The following DNHD1 variants were observed in gnomAD, a reference collection of about 807,000 sequenced individuals.
DNHD1 encodes the protein dynein heavy chain domain 1.
Under a neutral mutation model 458.1 loss-of-function variants are expected in DNHD1, and 383 were observed. The ratio of observed to expected loss-of-function variants is 0.84; its 90% CI spans 0.77 to 0.91. The LOEUF is 0.91. Among genes scored for constraint, DNHD1 ranks in the 40% least tolerant of loss-of-function variants. The probability of loss-of-function intolerance (pLI) is 0.00; values close to 1 mark genes in which losing one functional copy is unlikely to be tolerated. For synonymous variants in DNHD1, 2,203 were observed against 2,376.9 expected, an observed-to-expected ratio of 0.93 and a Z score of 2.13; for missense variants, 5,336 against 5,866.1, an observed-to-expected ratio of 0.91 and a Z score of 2.95.
rs796213156 is a variant in DNHD1 at position 6,515,445 on chromosome 11, TTA to T, written c.1392+4020_1392+4021del. ...AGTGCTCACTTCTGTTTAGTCTCTC[TTA>T]TATGGAACAGTTCCTCAGCCTTTGT... On this transcript the variant is annotated intron_variant, in intron 7 of 42. Transcript: ENST00000254579. Among the ~76,000 whole-genome samples the T allele has an allele frequency of 8.8e-3, 1,347 of 152,364 alleles. 19 individuals carry two copies. The highest frequency in any genetic ancestry group is 0.03 in the African/African-American group (1,267 of 41,588).
intron 7 of DNHD1, among the ~76,000 whole-genome samples, chr11:6,513,156 A>G (rs1222008897): frequency 6.6e-6 from 1 of 152,172 alleles, no homozygotes; most frequent in Non-Finnish European, 1.5e-5. Context: ...CAGTTCCTCA[A>G]TCCCACCTTT....
intron 9 of DNHD1, 42 bp downstream of exon 9, chr11:6,520,144 G>T: frequency 6.2e-7 from 1 of 1,613,862 alleles, no homozygotes; most frequent in South Asian, 1.1e-5. Flanking sequence ...GGAATTCCCA[G>T]TTCCTATCCT....
chr11:6,570,781 G>A lies in DNHD1; in HGVS notation c.13269G>A (p.Val4423=). 2 of 1,613,424 alleles carry A rather than the reference G, an allele frequency of 1.2e-6. No individual in the cohort carries two copies. The highest frequency in any genetic ancestry group is 1.7e-6 in the Non-Finnish European group (2 of 1,179,664). Residue 4423 remains valine (V), a synonymous_variant, in exon 42 of 43, where the codon GTG becomes GTA. Coordinates refer to ENST00000254579, the MANE Select transcript of DNHD1 (RefSeq NM_144666.3). ...GTGCGCTGCAGCGGAGTTCACCCGT[G>A]TGGGTTCCTGAGTCTCGAAGAGGCG... ...LLSALQRSSP[V]WVPESRRGAQ...
At position 6,563,125 on chromosome 11, in the gene DNHD1, G is replaced by A. The variant is rs1460574118; in HGVS notation, c.9663G>A (p.Leu3221=). ...TGCAAGCTCAGCGAGAGGCTTTCCTGGAGCAGGTGGGCTCTTCCTGCCGCC... is the reference window on the plus strand; with the variant it reads ...TGCAAGCTCAGCGAGAGGCTTTCCTAGAGCAGGTGGGCTCTTCCTGCCGCC... The part of the protein sequence containing the change: ...DALQAQREAF[L]EQMSKAFLEP... The change falls in exon 29 of 43, where the codon CTG becomes CTA. Residue 3221 remains leucine, a synonymous_variant. Coordinates refer to ENST00000254579, the MANE Select transcript of DNHD1 (RefSeq NM_144666.3). The A allele has an allele frequency of 3.2e-6, 5 of 1,551,674 alleles. No individual in the cohort carries two copies. The highest frequency in any genetic ancestry group is 1.2e-5 in the South Asian group (1 of 84,062).
At chr11:6,536,063 T>C (rs1852941464) in intron 14 of DNHD1, among the ~76,000 whole-genome samples, 1 of 152,146 alleles carries the variant, frequency 6.6e-6, no homozygotes, top group Non-Finnish European at 1.5e-5. Context: ...ACAATATCAC[T>C]TATGTAGTAG....
intron 14 of DNHD1, 109 bp downstream of exon 14, chr11:6,534,282 G>A (rs1852893519): frequency 8.7e-7 from 1 of 1,153,006 alleles, no homozygotes; most frequent in African/African-American, 1.6e-5. Flanking sequence ...AGCAAGCCTT[G>A]GGAATCACAC....
In DNHD1 at chr11:6,547,098, C is replaced by A. The variant is rs1026362809; in HGVS notation, c.6159C>A (p.Gly2053=). 41 of 1,551,632 alleles carry A rather than the reference C, an allele frequency of 2.6e-5. No homozygotes were observed. In the Admixed American group the frequency reaches 7.6e-4, roughly 29 times the overall value. Residue 2053 remains glycine, a synonymous_variant, in exon 21 of 43, where the codon GGC becomes GGA. Transcript: ENST00000254579. ...TAGAGGGCTCCTGCTGGCATCATGG[C>A]ATCTTTCCCAAGGTACTTCGTGCAG... ...GWLEGSCWHH[G]IFPKVLRAAG...
In DNHD1 at chr11:6,498,554, C is replaced by G. The variant is rs768983553; in HGVS notation, c.339C>G (p.Cys113Trp). ...DLLPFLEQLY[C>W]WAPWVQTHLH... The stretch of plus-strand genomic sequence containing the variant: ...TGCCCTTCCTGGAGCAGCTGTACTG[C>G]TGGGCACCCTGGGTCCAAACCCACC... The change falls in exon 3 of 43, where the codon TGC (cysteine) becomes TGG (tryptophan). Residue 113 changes from cysteine to tryptophan, a missense_variant. Cys to Trp is a radical substitution (Grantham distance 215). Coordinates refer to ENST00000254579, the MANE Select transcript of DNHD1 (RefSeq NM_144666.3). 6.2e-7 allele frequency: 1 copy of G among 1,614,192 alleles called. No individual in the cohort carries two copies. The highest frequency in any genetic ancestry group is 8.5e-7 in the Non-Finnish European group (1 of 1,180,026).
chr11:6,558,205 C>A lies in DNHD1; in HGVS notation c.8910C>A (p.Tyr2970Ter), dbSNP rs1476465151. ...LATSGSFPGQ[Y>*]TEADLDRIGE... ...CCTCAGGCAGTTTCCCTGGCCAGTA[C>A]ACAGAAGCAGATTTGGACCGCATTG... Residue 2970 changes from tyrosine (Y) to a stop codon, truncating the protein, a stop_gained, in exon 25 of 43, where the codon TAC (tyrosine) becomes TAA (stop). Coordinates refer to ENST00000254579, the MANE Select transcript of DNHD1 (RefSeq NM_144666.3). LOFTEE classifies it high-confidence loss of function. 4 of 1,551,606 alleles carry A rather than the reference C, an allele frequency of 2.6e-6. No individual in the cohort carries two copies. Among genetic ancestry groups the A allele is most frequent in the Non-Finnish European group, 3.5e-6 (4 of 1,147,014 alleles).
In DNHD1 at chr11:6,571,215, T is replaced by C. The variant is rs756001999; in HGVS notation, c.13703T>C (p.Val4568Ala). The C allele has an allele frequency of 1.3e-5, 21 of 1,608,492 alleles. No homozygotes were observed. The East Asian group carries it at 4.2e-4, about 33-fold the overall frequency. The change falls in exon 42 of 43, where the codon GTG (valine) becomes GCG (alanine). Residue 4568 changes from valine to alanine, a missense_variant. Physicochemically the swap from Val to Ala is moderately conservative, Grantham distance 64. Transcript: ENST00000254579. This position sits in a 1 kb window ranked among gnomAD's most constrained non-coding sequence, Gnocchi z 5.0. ...RGQLLVRYLG[V>A]GADASSDVPE... ...CAACTGTTGGTTCGTTACTTGGGCG[T>C]GGGCGCGGACGCGAGCAGTGATGTA...
chr11:6,535,022 C>T (rs1347694888), intron 14 of DNHD1, among the ~76,000 whole-genome samples: 1 of 152,232 alleles, frequency 6.6e-6, no homozygotes, highest in African/African-American at 2.4e-5. Context: ...ACTGGGATTA[C>T]AGGTGTAAGC....
chr11:6,539,538 GTGGCAGCCC>G (rs1288681609), intron 17 of DNHD1, among the ~76,000 whole-genome samples: 1 of 152,226 alleles, frequency 6.6e-6, no homozygotes, highest in African/African-American at 2.4e-5. Context: ...AAGGAAGTGG[GTGGCAGCCC>G]CGAAGTTGTG....
chr11:6,566,537 C>T lies in DNHD1; in HGVS notation c.11207-50C>T, dbSNP rs374262749. On this transcript the variant is annotated intron_variant, in intron 34 of 42. Transcript: ENST00000254579. ...GCCATACTCCCTGTCTACTCTACCC[C>T]CTGGCTCTGCCAAGGGGAAGAGGTT... The T allele has an allele frequency of 1.5e-4, 246 of 1,600,714 alleles. 1 individual carries two copies. The highest frequency in any genetic ancestry group is 4.6e-4 in the South Asian group (41 of 88,884).
intron 18 of DNHD1, among the ~76,000 whole-genome samples, chr11:6,541,680 C>A (rs1853100853): frequency 6.6e-6 from 1 of 152,094 alleles, no homozygotes; most frequent in South Asian, 2.1e-4. Context: ...AACATGAAAA[C>A]AATAGAGGGT....
chr11:6,570,914 G>C lies in DNHD1; in HGVS notation c.13402G>C (p.Ala4468Pro). ...CGTGATTCGCCAAGACGAGTCCGAC[G>C]CCCCGTGGTCAGTGCTGGGGCCAAA... The part of the protein sequence containing the change: ...THVIRQDESD[A>P]PWSVLGPNAR... Residue 4468 changes from alanine (A) to proline (P), a missense_variant, in exon 42 of 43, where the codon GCC becomes CCC. Ala to Pro is a conservative substitution (Grantham distance 27, BLOSUM62 -1). Around this residue, in one of 4 missense-constraint regions of DNHD1, gnomAD observed 698 missense variants for 664.9 expected, o/e 1.05. Transcript: ENST00000254579. 1 of 1,613,386 alleles carries C rather than the reference G, an allele frequency of 6.2e-7. No individual in the cohort carries two copies. Among genetic ancestry groups the C allele is most frequent in the Non-Finnish European group, 8.5e-7 (1 of 1,179,366 alleles).
Position 6,564,699 on chromosome 11 carries a change from C to T in DNHD1, c.10651C>T (p.Arg3551Cys), listed in dbSNP as rs969157617. The change falls in exon 32 of 43, where the codon CGT (arginine) becomes TGT (cysteine). Residue 3551 changes from arginine (R) to cysteine (C), a missense_variant. Arg to Cys is a radical substitution (Grantham distance 180). Around this residue, in one of 4 missense-constraint regions of DNHD1, gnomAD observed 11 missense variants for 31.4 expected, o/e 0.35. Transcript: ENST00000254579. Reference protein sequence around the residue: ...LRSPTHYSSCRWPLLLDPSNE... With the variant: ...LRSPTHYSSCCWPLLLDPSNE... ...AAGCCCCACACACTACAGTAGTTGC[C>T]GTTGGCCTCTGCTGCTTGACCCCAG... The T allele has an allele frequency of 1.2e-5, 18 of 1,551,240 alleles. No individual in the cohort carries two copies. Among genetic ancestry groups the T allele is most frequent in the Non-Finnish European group, 1.5e-5 (17 of 1,146,670 alleles).
chr11:6,540,012 C>T lies in DNHD1; in HGVS notation c.3557C>T (p.Ser1186Phe). ...VPYEPPASER[S>F]KRQVLRSPQW... ...TACGAGCCCCCAGCCTCAGAGCGCTCCAAGAGGCAGGTGCTCCGCAGCCCC... is the reference window on the plus strand; with the variant it reads ...TACGAGCCCCCAGCCTCAGAGCGCTTCAAGAGGCAGGTGCTCCGCAGCCCC... The change falls in exon 18 of 43, where the codon TCC (serine) becomes TTC (phenylalanine). Residue 1186 changes from serine (S) to phenylalanine (F), a missense_variant. This residue lies in a region of DNHD1 where 3,932 missense variants were observed against 4,365.6 expected (regional missense o/e 0.90). Coordinates refer to ENST00000254579, the MANE Select transcript of DNHD1 (RefSeq NM_144666.3). 1 of 1,551,622 alleles carries T rather than the reference C, an allele frequency of 6.4e-7. No homozygotes were observed. Among genetic ancestry groups the T allele is most frequent in the Non-Finnish European group, 8.7e-7 (1 of 1,146,862 alleles).
chr11:6,539,110 T>C, intron 16 of DNHD1, 109 bp from the exon 17 acceptor site: 1 of 755,840 alleles, frequency 1.3e-6, no homozygotes, highest in Non-Finnish European at 2.2e-6. Context: ...TGAGATCTGC[T>C]ATCTGGGGTC....
chr11:6,546,353 T>G lies in DNHD1; in HGVS notation c.5414T>G (p.Leu1805Arg). 1 of 1,552,326 alleles carries G rather than the reference T, an allele frequency of 6.4e-7. No homozygotes were observed. Among genetic ancestry groups the G allele is most frequent in the African/African-American group, 1.4e-5 (1 of 73,196 alleles). ...VSVRLGYGCL[L>R]VLRALSSAVP... is the part of the protein sequence containing the mutation. The stretch of plus-strand genomic sequence containing the variant: ...GTGCGCCTTGGCTATGGCTGTCTCC[T>G]GGTACTGCGTGCCCTGAGCTCTGCT... Residue 1805 changes from leucine (L) to arginine (R), a missense_variant, in exon 21 of 43, where the codon CTG becomes CGG. Leu to Arg is a moderately radical substitution (Grantham distance 102). Around this residue, in one of 4 missense-constraint regions of DNHD1, gnomAD observed 3,932 missense variants for 4,365.6 expected, o/e 0.90. Transcript: ENST00000254579.
Sources: gnomAD v4.1 joint callset for allele counts (sites outside exome capture counted in the v4.1 genomes callset) on GRCh38, gnomAD v4.1.1 for gene constraint, gnomAD v4.1.1 regional missense constraint, Gnocchi (gnomAD v3.1) non-coding constraint, MANE v1.5 for transcripts, NCBI Gene and HGNC (gene_info 2026-07-23, HGNC 2026-07-21) for gene names.